The following SPTB variants were observed in gnomAD, a reference collection of about 807,000 sequenced individuals.
SPTB encodes the protein spectrin beta chain, erythrocytic.
A neutral mutation model predicts 256.2 loss-of-function variants in SPTB; 45 were observed. The observed-to-expected ratio is 0.18, with a 90% CI of 0.14 to 0.23. The LOEUF (loss-of-function observed/expected upper bound fraction) is 0.23. SPTB is among the 10% of genes least tolerant of loss of function. The pLI is 1.00. For missense variants in SPTB, 2,715 were observed against 3,040.4 expected (o/e 0.89, Z 2.52); for synonymous variants, 1,231 against 1,243.1 (o/e 0.99, Z 0.21).
intron 10 of SPTB, among the ~76,000 whole-genome samples, chr14:64,797,504 G>A (rs229584): frequency 0.35 from 31,960 of 92,438 alleles, 5,202 homozygotes; most frequent in African/African-American, 0.51. Flanking sequence ...AAAAAAAAAG[G>A]ACTCAGGGAT....
At chr14:64,810,696 C>G (rs184992550) in intron 2 of SPTB, among the ~76,000 whole-genome samples, 9 of 152,000 alleles carry the variant, frequency 5.9e-5, no homozygotes, top group Non-Finnish European at 1.3e-4. Flanking sequence ...ACAATAACAA[C>G]AACAACAACA....
Position 64,793,317 on chromosome 14 carries a change from C to T in SPTB, c.2346G>A (p.Gly782=). ...GQDEGATRAL[G]KKHKDFLEEL... ...CCTCCAGGAAGTCCTTGTGCTTTTT[C>T]CCCAGGGCCCGCGTGGCCCCTTCGT... The change falls in exon 14 of 36, where the codon GGG becomes GGA. Residue 782 remains glycine (G), a synonymous_variant. Transcript: ENST00000644917. The surrounding 1 kb of genome is among the most constrained non-coding windows in gnomAD (Gnocchi z 7.0). 6.2e-7 allele frequency: 1 copy of T among 1,608,406 alleles called. No homozygotes were observed. Among genetic ancestry groups the T allele is most frequent in the East Asian group, 2.2e-5 (1 of 44,880 alleles).
Position 64,823,214 on chromosome 14 carries a change from A to T in SPTB, c.-51-69T>A. The T allele has an allele frequency of 9.2e-6, 11 of 1,195,380 alleles. No individual in the cohort carries two copies. Among genetic ancestry groups the T allele is most frequent in the Non-Finnish European group, 1.3e-5 (11 of 817,898 alleles). 74.0% of individuals were successfully genotyped at this position (1,195,380 alleles called of 1,614,324 possible). ...TCGGACTTTTTCTCCGGGGAAACTTATTCGGAGCATCCAACGTGAGTAGAT... is the reference window on the plus strand; with the variant it reads ...TCGGACTTTTTCTCCGGGGAAACTTTTTCGGAGCATCCAACGTGAGTAGAT... On this transcript the variant is annotated intron_variant, in intron 1 of 35. Coordinates refer to ENST00000644917, the MANE Select transcript of SPTB (RefSeq NM_001355436.2). This position sits in a 1 kb window ranked among gnomAD's most constrained non-coding sequence, Gnocchi z 6.5.
At chr14:64,794,235 A>G (rs967812033) in intron 13 of SPTB, among the ~76,000 whole-genome samples, 3 of 152,234 alleles carry the variant, frequency 2.0e-5, no homozygotes, top group African/African-American at 7.2e-5. Context: ...TTGAACTAGC[A>G]AGGAGAATGA....
At chr14:64,782,267 G>A in intron 20 of SPTB, 23 bp downstream of exon 20, 5 of 1,614,102 alleles carry the variant, frequency 3.1e-6, no homozygotes, top group Non-Finnish European at 4.2e-6. Context: ...CTAACACTCT[G>A]AGTCTACAAC....
intron 32 of SPTB, chr14:64,763,761 G>A (rs1365205372): frequency 1.9e-6 from 1 of 519,010 alleles, no homozygotes; most frequent in Non-Finnish European, 3.8e-6. Flanking sequence ...GCACTTACCT[G>A]TATGAACGGA....
Position 64,794,106 on chromosome 14 carries a change from G to A in SPTB, c.1796-239C>T, listed in dbSNP as rs189819177. 2.9e-4 allele frequency among the ~76,000 whole-genome samples: 44 copies of A among 152,210 alleles called. No homozygotes were observed. The East Asian group carries it at 7.9e-3, about 27-fold the overall frequency. On this transcript the variant is annotated intron_variant, in intron 13 of 35. Coordinates refer to ENST00000644917, the MANE Select transcript of SPTB (RefSeq NM_001355436.2). ...AGTGGGGTTAGTTCTTAATAGAAAT[G>A]TACAACATAAAATTATTTTTAAATT...
In SPTB at chr14:64,772,009, T is replaced by C. The variant is rs1341957224; in HGVS notation, c.5553+571A>G. Among the ~76,000 whole-genome samples the C allele has an allele frequency of 6.6e-6, 1 of 152,170 alleles. No individual in the cohort carries two copies. The highest frequency in any genetic ancestry group is 2.4e-5 in the African/African-American group (1 of 41,446). On this transcript the variant is annotated intron_variant, in intron 26 of 35. Coordinates refer to ENST00000644917, the MANE Select transcript of SPTB (RefSeq NM_001355436.2). The surrounding 1 kb of genome is among the most constrained non-coding windows in gnomAD (Gnocchi z 5.4). ...CACCCTACGGATCTGCGGAGGGCAC[T>C]CCAGTGATGGGGCAGGGGTCTGAAC...
chr14:64,823,762 T>TTCAGAAAGCTGACCTCGCATTTTAGGG lies in SPTB; in HGVS notation c.-51-644_-51-618dup. ...CTGAGTTCCTTCCCAGCAGTTGGTA[T>TTCAGAAAGCTGACCTCGCATTTTAGGG]TCAGAAAGCTGACCTCGCATTTTAG... On this transcript the variant is annotated intron_variant, in intron 1 of 35. Coordinates refer to ENST00000644917, the MANE Select transcript of SPTB (RefSeq NM_001355436.2). This position sits in a 1 kb window ranked among gnomAD's most constrained non-coding sequence, Gnocchi z 6.5. Among the ~76,000 whole-genome samples the TTCAGAAAGCTGACCTCGCATTTTAGGG allele has an allele frequency of 6.6e-6, 1 of 152,306 alleles. No individual in the cohort carries two copies. The highest frequency in any genetic ancestry group is 2.1e-4 in the South Asian group (1 of 4,826).
intron 33 of SPTB, among the ~76,000 whole-genome samples, chr14:64,752,661 CCCTTTCTGGGT>C (rs1421130345): frequency 1.3e-5 from 2 of 152,126 alleles, no homozygotes; most frequent in Non-Finnish European, 1.5e-5. Flanking sequence ...TGTTAGTTTC[CCCTTTCTGGGT>C]AGACTCTCCA....
Position 64,791,853 on chromosome 14 carries a change from G to A in SPTB, c.2670C>T (p.Phe890=), listed in dbSNP as rs375773332. The A allele has an allele frequency of 3.5e-5, 57 of 1,614,158 alleles. No individual in the cohort carries two copies. The highest frequency in any genetic ancestry group is 2.2e-4 in the East Asian group (10 of 44,880). The stretch of plus-strand genomic sequence containing the variant: ...TCTTCATCTCCTGGTCCAGGATGTC[G>A]AACCTGATATGGGCAAAGGAAAATA... ...LEDLEVVQHR[F]DILDQEMKTL... Residue 890 remains phenylalanine (F), a synonymous_variant, in exon 15 of 36, where the codon TTC becomes TTT. Coordinates refer to ENST00000644917, the MANE Select transcript of SPTB (RefSeq NM_001355436.2).
rs765897258 is a variant in SPTB, at chr14:64,793,863, G to A, written c.1800C>T (p.Tyr600=). Residue 600 remains tyrosine, a synonymous_variant, in exon 14 of 36, where the codon TAC becomes TAT. Transcript: ENST00000644917. The surrounding 1 kb of genome is among the most constrained non-coding windows in gnomAD (Gnocchi z 7.0). ...GGATGACCTGGGGGTCACAAGGCTGGTACCCTGGAAGAAATAGGGGGAAGG... is the reference window on the plus strand; with the variant it reads ...GGATGACCTGGGGGTCACAAGGCTGATACCCTGGAAGAAATAGGGGGAAGG... ...ATLKFTEGKG[Y]QPCDPQVIQD... The A allele has an allele frequency of 6.2e-7, 1 of 1,601,214 alleles. No individual in the cohort carries two copies. The highest frequency in any genetic ancestry group is 8.5e-7 in the Non-Finnish European group (1 of 1,177,330).
rs925983631 is a variant in SPTB, at chr14:64,796,430, C to T, written c.1341+127G>A. ...ATGCAAATCTTGATCCACTGGATCA[C>T]GGGGGAGCTGTGCTGCAAGGCACGA... On this transcript the variant is annotated intron_variant, in intron 11 of 35. Coordinates refer to ENST00000644917, the MANE Select transcript of SPTB (RefSeq NM_001355436.2). This position sits in a 1 kb window ranked among gnomAD's most constrained non-coding sequence, Gnocchi z 4.1. 53 of 1,237,032 alleles carry T rather than the reference C, an allele frequency of 4.3e-5. No homozygotes were observed. Among genetic ancestry groups the T allele is most frequent in the African/African-American group, 7.4e-5 (5 of 67,222 alleles). 76.6% of individuals were successfully genotyped at this position (1,237,032 alleles called of 1,614,324 possible). A position where few individuals can be genotyped will look rare whatever the true frequency, so the allele number is the denominator to read the frequency against.
At position 64,857,473 on chromosome 14, in the gene SPTB, T is replaced by C. The variant is rs1347741430; in HGVS notation, c.-52+22319A>G. The stretch of plus-strand genomic sequence containing the variant: ...GGTATGCATGTATAGTCCCAGCTAC[T>C]TGGCTGAAGTGGGAGGATCACTTGA... On this transcript the variant is annotated intron_variant, in intron 1 of 35. Transcript: ENST00000644917. Among the ~76,000 whole-genome samples, 10 of 150,462 alleles carry C rather than the reference T, an allele frequency of 6.6e-5. No homozygotes were observed. The Admixed American group carries it at 6.7e-4, about 10-fold the overall frequency.
At chr14:64,818,270 C>T (rs2083226303) in intron 2 of SPTB, among the ~76,000 whole-genome samples, 1 of 152,226 alleles carries the variant, frequency 6.6e-6, no homozygotes, top group South Asian at 2.1e-4. Flanking sequence ...TTCCCACAGG[C>T]CCTTCGCAGG....
chr14:64,834,176 G>A (rs962905283), intron 1 of SPTB, among the ~76,000 whole-genome samples: 4 of 152,172 alleles, frequency 2.6e-5, no homozygotes, highest in African/African-American at 9.7e-5. Context: ...ACAGGTGGAT[G>A]CCACCATTCC....
rs10148978 is a variant in SPTB at position 64,764,891 on chromosome 14, G to A, written c.6345+1835C>T. On this transcript the variant is annotated intron_variant, in intron 32 of 35. Transcript: ENST00000644917. This position sits in a 1 kb window ranked among gnomAD's most constrained non-coding sequence, Gnocchi z 4.2. Reference sequence around the variant, plus strand: ...GGGAGGCGACCCCACATGCGATGACGGGAGCTTCGGAGGGAACTTCTGGGA... The same window carrying A: ...GGGAGGCGACCCCACATGCGATGACAGGAGCTTCGGAGGGAACTTCTGGGA... Among the ~76,000 whole-genome samples the A allele has an allele frequency of 0.05, 7,575 of 152,138 alleles. 289 individuals carry two copies. The highest frequency in any genetic ancestry group is 0.1 in the African/African-American group (4,277 of 41,468).
rs1659383937 is a variant in SPTB at position 64,844,307 on chromosome 14, C to T, written c.-51-21162G>A. 6.6e-6 allele frequency among the ~76,000 whole-genome samples: 1 copy of T among 152,200 alleles called. No individual in the cohort carries two copies. Among genetic ancestry groups the T allele is most frequent in the Admixed American group, 6.5e-5 (1 of 15,282 alleles). On this transcript the variant is annotated intron_variant, in intron 1 of 35. Transcript: ENST00000644917. The surrounding 1 kb of genome is among the most constrained non-coding windows in gnomAD (Gnocchi z 4.1). Reference sequence around the variant, plus strand: ...ATTATCCACCTATGTGTGAAGGGACCAGGTCCCAACACACAATAGGAATTT... The same window carrying T: ...ATTATCCACCTATGTGTGAAGGGACTAGGTCCCAACACACAATAGGAATTT...
At chr14:64,850,276 G>A (rs1400175341) in intron 1 of SPTB, among the ~76,000 whole-genome samples, 28 of 152,304 alleles carry the variant, frequency 1.8e-4, no homozygotes, top group Admixed American at 1.8e-3. Context: ...GGGTGAATGA[G>A]TGGCCTCCAA....
Sources: allele counts gnomAD v4.1 joint callset (sites outside exome capture counted in the v4.1 genomes callset), GRCh38; gene constraint gnomAD v4.1.1; non-coding constraint Gnocchi (gnomAD v3.1); transcripts MANE v1.5; gene names NCBI Gene and HGNC (gene_info 2026-07-23, HGNC 2026-07-21).